The following SCARA3 variants were observed in gnomAD, a reference collection of about 807,000 sequenced individuals.
SCARA3 encodes the protein scavenger receptor class A member 3.
SCARA3 carries 39 observed loss-of-function variants against 47.0 expected under a neutral mutation model. The observed-to-expected ratio is 0.83, with a 90% CI of 0.64 to 1.08. The LOEUF is 1.08. Among genes scored for constraint, SCARA3 ranks in the 50% least tolerant of loss-of-function variants. The pLI, the probability that SCARA3 is intolerant of heterozygous loss-of-function variation, is 0.00. For synonymous variants in SCARA3, 356 were observed against 334.1 expected, an observed-to-expected ratio of 1.07 and a Z score of -0.71; for missense variants, 724 against 792.3, an observed-to-expected ratio of 0.91 and a Z score of 1.04.
At chr8:27,645,233 A>G (rs992064821) in intron 1 of SCARA3, among the ~76,000 whole-genome samples, 2 of 152,250 alleles carry the variant, frequency 1.3e-5, no homozygotes, top group African/African-American at 4.8e-5. Flanking sequence ...TTAAGTCATC[A>G]ATCTTCATTT....
At chr8:27,707,335 A>C in the SCARA3 span, among the ~76,000 whole-genome samples, 21 of 152,342 alleles carry the variant, frequency 1.4e-4, no homozygotes, top group Middle Eastern at 3.4e-3. Context: ...CAGACCTTCC[A>C]ATCAACTTTT....
At chr8:27,698,897 ATCTG>A in the SCARA3 span, among the ~76,000 whole-genome samples, 1,065 of 152,162 alleles carry the variant, frequency 7.0e-3, 18 homozygotes, top group African/African-American at 0.024. Flanking sequence ...GTATCTATCT[ATCTG>A]TCTATCTATA....
intron 1 of SCARA3, among the ~76,000 whole-genome samples, chr8:27,648,226 T>G (rs1456516054): frequency 6.6e-6 from 1 of 152,260 alleles, no homozygotes; most frequent in African/African-American, 2.4e-5. Flanking sequence ...AGTCTTTTTG[T>G]CTATAAATGT....
Position 27,671,624 on chromosome 8 carries a change from A to G in SCARA3, c.*273A>G, listed in dbSNP as rs1802162206. ...CACACATACACATGCATGCACACAT[A>G]CACAGGCATACATGCATGCACACAC... On this transcript the variant is annotated 3_prime_UTR_variant, in exon 6 of 6. Transcript: ENST00000301904. 3 of 1,170,472 alleles carry G rather than the reference A, an allele frequency of 2.6e-6. No homozygotes were observed. Among genetic ancestry groups the G allele is most frequent in the Non-Finnish European group, 3.2e-6 (3 of 940,946 alleles). The allele number at this position is 1,170,472 out of a possible 1,614,324, so 72.5% of individuals were successfully genotyped here.
chr8:27,694,672 A>C, the SCARA3 span, among the ~76,000 whole-genome samples: 1 of 152,176 alleles, frequency 6.6e-6, no homozygotes, highest in Admixed American at 6.5e-5. Flanking sequence ...ATCAGCAAGG[A>C]GCTTACCTCC....
intron 1 of SCARA3, among the ~76,000 whole-genome samples, chr8:27,643,519 C>G (rs757036142): frequency 6.6e-6 from 1 of 152,146 alleles, no homozygotes; most frequent in East Asian, 1.9e-4. Context: ...GATTCCCAAC[C>G]GATTACAGAC....
the SCARA3 span, among the ~76,000 whole-genome samples, chr8:27,724,861 G>A: frequency 1.3e-5 from 2 of 152,190 alleles, no homozygotes; most frequent in African/African-American, 2.4e-5. Flanking sequence ...AGGAAATAAT[G>A]AGAACCATAA....
the SCARA3 span, among the ~76,000 whole-genome samples, chr8:27,711,806 G>C: frequency 6.6e-6 from 1 of 152,040 alleles, no homozygotes; most frequent in South Asian, 2.1e-4. Flanking sequence ...AAAGTACAGA[G>C]TTCCCATATA....
chr8:27,697,556 C>G, the SCARA3 span: 1 of 152,254 alleles, frequency 6.6e-6, no homozygotes. Context: ...CCCCACCAGA[C>G]CTGCCTTGGG....
chr8:27,726,473 T>C, the SCARA3 span, among the ~76,000 whole-genome samples: 1 of 151,854 alleles, frequency 6.6e-6, no homozygotes, highest in East Asian at 1.9e-4. Context: ...CCGAGGCGGG[T>C]GGATCACAAG....
intron 4 of SCARA3, among the ~76,000 whole-genome samples, chr8:27,658,022 G>T (rs1409108101): frequency 6.6e-6 from 1 of 152,154 alleles, no homozygotes; most frequent in Non-Finnish European, 1.5e-5. Flanking sequence ...GTTTAGAGTG[G>T]TCTTATCTGA....
chr8:27,633,957 GCGGCGGGGCGCGGCGCTAGGCGCC>G lies in SCARA3; in HGVS notation c.-234_-211del, dbSNP rs1208238167. On this transcript the variant is annotated 5_prime_UTR_variant, in exon 1 of 6. An upstream open reading frame in the 5' UTR loses its in-frame stop. Coordinates refer to ENST00000301904, the MANE Select transcript of SCARA3 (RefSeq NM_016240.3). The stretch of plus-strand genomic sequence containing the variant: ...GGCGGCGGCGGGATGCGCGCTCTGG[GCGGCGGGGCGCGGCGCTAGGCGCC>G]CGGCGGGGCTTCCCCAGGCTGCGAC... 13 of 183,628 alleles carry G rather than the reference GCGGCGGGGCGCGGCGCTAGGCGCC, an allele frequency of 7.1e-5. No individual in the cohort carries two copies. In the East Asian group the frequency reaches 1.2e-3, roughly 16 times the overall value. 11.4% of individuals were successfully genotyped at this position (183,628 alleles called of 1,614,324 possible). A position where few individuals can be genotyped will look rare whatever the true frequency, so the allele number is the denominator to read the frequency against.
chr8:27,656,640 C>G (rs1303968483), intron 3 of SCARA3, 142 bp from the exon 4 acceptor site: 39 of 634,146 alleles, frequency 6.2e-5, no homozygotes, highest in Admixed American at 2.5e-5. Flanking sequence ...AGTATCTTCC[C>G]TAACCGCCAT....
chr8:27,637,925 C>T (rs1280900168), intron 1 of SCARA3, among the ~76,000 whole-genome samples: 1 of 151,922 alleles, frequency 6.6e-6, no homozygotes, highest in Non-Finnish European at 1.5e-5. Flanking sequence ...CGGGAAGGAG[C>T]CAGGGCTAGA....
chr8:27,667,635 C>A (rs528028859), intron 5 of SCARA3, among the ~76,000 whole-genome samples: 1 of 152,356 alleles, frequency 6.6e-6, no homozygotes, highest in Non-Finnish European at 1.5e-5. Flanking sequence ...GAGCAACAGC[C>A]TCCTGCCTGG....
At position 27,658,817 on chromosome 8, in the gene SCARA3, T is replaced by G; in HGVS notation, c.647T>G (p.Val216Gly). ...LKDLTQECYDVKAAVHQINFT... is the reference protein window; with the variant it reads ...LKDLTQECYDGKAAVHQINFT... ...GACCTCACCCAGGAGTGCTACGATG[T>G]CAAGGCTGCAGTGCACCAGATCAAC... Residue 216 changes from valine to glycine, a missense_variant, in exon 5 of 6, where the codon GTC becomes GGC. Transcript: ENST00000301904. The G allele has an allele frequency of 6.2e-7, 1 of 1,614,102 alleles. No homozygotes were observed. The highest frequency in any genetic ancestry group is 8.5e-7 in the Non-Finnish European group (1 of 1,180,004).
rs776512101 is a variant in SCARA3 at position 27,659,278 on chromosome 8, C to G, written c.1108C>G (p.His370Asp). Residue 370 changes from histidine to aspartate, a missense_variant, in exon 5 of 6, where the codon CAC becomes GAC. By Grantham distance (81) the His-to-Asp change is moderately conservative (BLOSUM62 -1). Transcript: ENST00000301904. ...IFTNINATDN[H>D]VHSMLKYLDD... ...CACCAACATCAATGCCACCGACAAC[C>G]ACGTGCACAGCATGCTCAAGTACCT... 1.2e-5 allele frequency: 19 copies of G among 1,614,102 alleles called. No homozygotes were observed. The highest frequency in any genetic ancestry group is 1.5e-5 in the Non-Finnish European group (18 of 1,180,056).
intron 1 of SCARA3, among the ~76,000 whole-genome samples, chr8:27,635,602 T>A (rs1801232763): frequency 6.8e-6 from 1 of 147,598 alleles, no homozygotes; most frequent in Admixed American, 7.0e-5. Flanking sequence ...GGACTACAGG[T>A]GTGCACCACC....
chr8:27,683,013 A>AAAAAAAC, the SCARA3 span, among the ~76,000 whole-genome samples: 10 of 152,114 alleles, frequency 6.6e-5, no homozygotes, highest in Non-Finnish European at 1.5e-4. Flanking sequence ...GCCAGAAACT[A>AAAAAAAC]AAAAAACAAA....
Sources: allele counts gnomAD v4.1 joint callset (sites outside exome capture counted in the v4.1 genomes callset), GRCh38; gene constraint gnomAD v4.1.1; transcripts MANE v1.5; gene names NCBI Gene and HGNC (gene_info 2026-07-23, HGNC 2026-07-21).